TMEM132D: variants seen among roughly 807,000 people sequenced by gnomAD.
TMEM132D encodes transmembrane protein 132D.
A neutral mutation model predicts 62.3 loss-of-function variants in TMEM132D; 21 were observed. The ratio of observed to expected loss-of-function variants is 0.34; its 90% CI spans 0.24 to 0.49. The LOEUF is 0.49. TMEM132D is among the 20% of genes least tolerant of loss of function. The pLI, the probability that TMEM132D is intolerant of heterozygous loss-of-function variation, is 0.99. For missense variants in TMEM132D, 1,346 were observed against 1,402.8 expected, an observed-to-expected ratio of 0.96 and a Z score of 0.65; for synonymous variants, 621 against 575.6, an observed-to-expected ratio of 1.08 and a Z score of -1.13.
chr12:129,711,137 C>T (rs986661011), intron 1 of TMEM132D, among the ~76,000 whole-genome samples: 1 of 152,182 alleles, frequency 6.6e-6, no homozygotes, highest in African/African-American at 2.4e-5. Context: ...TGAAATGTAA[C>T]GCTTCATTGG....
At chr12:129,594,081 G>A (rs1878268284) in intron 2 of TMEM132D, among the ~76,000 whole-genome samples, 1 of 152,200 alleles carries the variant, frequency 6.6e-6, no homozygotes, top group Non-Finnish European at 1.5e-5. Context: ...GTGTAAGCCG[G>A]CAGTGCAAGA....
chr12:129,527,431 A>G (rs6486482), intron 3 of TMEM132D, among the ~76,000 whole-genome samples: 101,906 of 152,076 alleles, frequency 0.67, 34,653 homozygotes, highest in African/African-American at 0.78. Flanking sequence ...ATTTATCTAC[A>G]TACTCTTGCC....
chr12:129,838,765 T>C (rs1427675274), intron 1 of TMEM132D, among the ~76,000 whole-genome samples: 2 of 152,140 alleles, frequency 1.3e-5, no homozygotes, highest in Non-Finnish European at 2.9e-5. Context: ...TTTAACCTAG[T>C]AGTAATCAAA....
At chr12:129,769,326 C>G (rs10847941) in intron 1 of TMEM132D, among the ~76,000 whole-genome samples, 17,402 of 152,164 alleles carry the variant, frequency 0.11, 1,095 homozygotes, top group East Asian at 0.17. Flanking sequence ...TACATGGCAG[C>G]AGGCAAGAGA....
intron 3 of TMEM132D, among the ~76,000 whole-genome samples, chr12:129,379,232 G>A (rs1054063519): frequency 6.6e-6 from 1 of 151,976 alleles, no homozygotes; most frequent in Non-Finnish European, 1.5e-5. Context: ...GGAATATATG[G>A]GTGGTTAAAT....
At chr12:129,268,242 C>G (rs1880749586) in intron 4 of TMEM132D, among the ~76,000 whole-genome samples, 1 of 152,136 alleles carries the variant, frequency 6.6e-6, no homozygotes, top group Non-Finnish European at 1.5e-5. Flanking sequence ...TCAGAGTGAA[C>G]AGGCAACCTA....
chr12:129,618,526 C>T lies in TMEM132D; in HGVS notation c.968+81284G>A, dbSNP rs1049527358. Among the ~76,000 whole-genome samples the T allele has an allele frequency of 2.0e-5, 3 of 152,160 alleles. No individual in the cohort carries two copies. The East Asian group carries it at 5.8e-4, about 29-fold the overall frequency. On this transcript the variant is annotated intron_variant, in intron 2 of 8. Coordinates refer to ENST00000422113, the MANE Select transcript of TMEM132D (RefSeq NM_133448.3). ...GAGTTACTATATTTGGCTTTGTAGACTATATGTTCTCTTAAAACTACTCAT... is the reference window on the plus strand; with the variant it reads ...GAGTTACTATATTTGGCTTTGTAGATTATATGTTCTCTTAAAACTACTCAT...
chr12:129,513,773 C>T (rs1315563216), intron 3 of TMEM132D, among the ~76,000 whole-genome samples: 5 of 150,822 alleles, frequency 3.3e-5, no homozygotes, highest in Non-Finnish European at 7.4e-5. Context: ...GCGTGAGCCA[C>T]CGCGCCCGGC....
At chr12:129,720,568 C>T (rs1760250259) in intron 1 of TMEM132D, among the ~76,000 whole-genome samples, 1 of 152,192 alleles carries the variant, frequency 6.6e-6, no homozygotes, top group Non-Finnish European at 1.5e-5. Context: ...TATGCTTGCT[C>T]TGAAATGATG....
chr12:129,527,550 G>T (rs1876084623), intron 3 of TMEM132D, among the ~76,000 whole-genome samples: 2 of 152,214 alleles, frequency 1.3e-5, no homozygotes, highest in African/African-American at 4.8e-5. Flanking sequence ...ATAAATGTAA[G>T]TTTTTCTCAT....
At chr12:129,591,924 T>C (rs918045746) in intron 2 of TMEM132D, among the ~76,000 whole-genome samples, 2 of 152,150 alleles carry the variant, frequency 1.3e-5, no homozygotes, top group Non-Finnish European at 2.9e-5. Flanking sequence ...ATGGGTCCAA[T>C]TGACAGTAAA....
At position 129,843,624 on chromosome 12, in the gene TMEM132D, C is replaced by T. The variant is rs922478176; in HGVS notation, c.79+59637G>A. ...CCTTGTACGAGCGGAAACAGGGACA[C>T]AGGCAGGAAGGGACCTTCACAGTAT... On this transcript the variant is annotated intron_variant, in intron 1 of 8. Coordinates refer to ENST00000422113, the MANE Select transcript of TMEM132D (RefSeq NM_133448.3). 1.2e-4 allele frequency among the ~76,000 whole-genome samples: 19 copies of T among 152,176 alleles called. 1 individual carries two copies. The highest frequency in any genetic ancestry group is 1.0e-4 in the Non-Finnish European group (7 of 68,038).
At chr12:129,798,465 AT>A (rs892622819) in intron 1 of TMEM132D, among the ~76,000 whole-genome samples, 3 of 152,154 alleles carry the variant, frequency 2.0e-5, no homozygotes, top group African/African-American at 7.2e-5. Flanking sequence ...CATATTATAC[AT>A]TTCTTTAATT....
chr12:129,427,496 T>G (rs1872533329), intron 3 of TMEM132D, among the ~76,000 whole-genome samples: 2 of 152,098 alleles, frequency 1.3e-5, no homozygotes, highest in African/African-American at 4.8e-5. Flanking sequence ...ACTTGGCACA[T>G]GTATACATAT....
At chr12:129,544,437 A>C (rs918409861) in intron 2 of TMEM132D, among the ~76,000 whole-genome samples, 6 of 152,252 alleles carry the variant, frequency 3.9e-5, no homozygotes. Context: ...ACCTGTTGGC[A>C]TAAATGCCAT....
chr12:129,284,094 G>A (rs563483206), intron 4 of TMEM132D, among the ~76,000 whole-genome samples: 2 of 152,390 alleles, frequency 1.3e-5, no homozygotes, highest in African/African-American at 4.8e-5. Context: ...CTGGCAGCCA[G>A]CAGCTGGATG....
At position 129,427,815 on chromosome 12, in the gene TMEM132D, T is replaced by C. The variant is rs564570294; in HGVS notation, c.1116-89998A>G. Among the ~76,000 whole-genome samples, 108 of 152,114 alleles carry C rather than the reference T, an allele frequency of 7.1e-4. 1 individual carries two copies. Among genetic ancestry groups the C allele is most frequent in the African/African-American group, 2.5e-3 (105 of 41,506 alleles). On this transcript the variant is annotated intron_variant, in intron 3 of 8. Transcript: ENST00000422113. ...CAGGTCTTAGGGTACCGCAATGCAA[T>C]AGATATTAAAACTGATTTTACTTTA...
intron 1 of TMEM132D, among the ~76,000 whole-genome samples, chr12:129,789,342 T>A (rs1262755631): frequency 6.6e-6 from 1 of 152,142 alleles, no homozygotes; most frequent in Non-Finnish European, 1.5e-5. Flanking sequence ...ATGAGTTACT[T>A]CACTTAGAAT....
At chr12:129,735,028 C>T (rs1043505138) in intron 1 of TMEM132D, among the ~76,000 whole-genome samples, 3 of 151,438 alleles carry the variant, frequency 2.0e-5, no homozygotes, top group Non-Finnish European at 4.4e-5. Flanking sequence ...TTTTACAGTA[C>T]GACGACAAAA....
Sources: gnomAD v4.1 joint callset for allele counts (sites outside exome capture counted in the v4.1 genomes callset) on GRCh38, gnomAD v4.1.1 for gene constraint, MANE v1.5 for transcripts, NCBI Gene and HGNC (gene_info 2026-07-23, HGNC 2026-07-21) for gene names.